The following EPB41L2 variants were observed in gnomAD, a reference collection of about 807,000 sequenced individuals.
EPB41L2 encodes the protein band 4.1-like protein 2.
Under a neutral mutation model 113.0 loss-of-function variants are expected in EPB41L2, and 43 were observed. The observed-to-expected ratio is 0.38, with a 90% confidence interval of 0.30 to 0.49. The LOEUF (loss-of-function observed/expected upper bound fraction) is 0.49, where lower values mean the gene tolerates loss of function less well. Ranked by LOEUF, EPB41L2 falls within the 20% of genes least tolerant of loss-of-function variation. The pLI is 0.95. For missense variants in EPB41L2, 1,147 were observed against 1,223.4 expected (o/e 0.94, Z 0.93); for synonymous variants, 442 against 436.7 (o/e 1.01, Z -0.15).
intron 4 of EPB41L2, among the ~76,000 whole-genome samples, chr6:130,915,797 G>A (rs190673930): frequency 6.5e-4 from 98 of 151,786 alleles, no homozygotes; most frequent in African/African-American, 2.2e-3. Context: ...TTTTAAAAAC[G>A]GGAGTTTCTC....
chr6:130,880,120 G>A, intron 13 of EPB41L2, 24 bp downstream of exon 13: 1 of 1,568,018 alleles, frequency 6.4e-7, no homozygotes, highest in South Asian at 1.1e-5. Context: ...TTAGGACAGA[G>A]TTGTTTTCTT....
In EPB41L2 at chr6:130,885,189, T is replaced by C. The variant is rs540092545; in HGVS notation, c.1740A>G (p.Gly580=). ...AAGEISAYGP[G]LVSIAVVQDG... ...CTTGTACCACGGCAATGCTGACAAG[T>C]CCAGGTCCATAGGCTGAAATCTCCC... Residue 580 remains glycine (G), a synonymous_variant, in exon 12 of 20, where the codon GGA becomes GGG. Transcript: ENST00000337057. 1.9e-6 allele frequency: 3 copies of C among 1,614,110 alleles called. No individual in the cohort carries two copies. The highest frequency in any genetic ancestry group is 1.3e-5 in the African/African-American group (1 of 75,032).
chr6:131,005,768 A>G (rs1377850835), intron 1 of EPB41L2, among the ~76,000 whole-genome samples: 2 of 152,200 alleles, frequency 1.3e-5, no homozygotes, highest in East Asian at 3.9e-4. Flanking sequence ...ACTGTGACCC[A>G]GAGGGAAATA....
chr6:130,869,454 T>C (rs1784924720), intron 15 of EPB41L2, 109 bp downstream of exon 15: 1 of 1,022,918 alleles, frequency 9.8e-7, no homozygotes, highest in East Asian at 2.6e-5. Flanking sequence ...AAAAATCAGA[T>C]TCTTGTTGAA....
rs774621932 is a variant in EPB41L2 at position 130,956,259 on chromosome 6, C to G, written c.227G>C (p.Arg76Pro). 12 of 1,614,104 alleles carry G rather than the reference C, an allele frequency of 7.4e-6. No individual in the cohort carries two copies. Among genetic ancestry groups the G allele is most frequent in the Non-Finnish European group, 1.0e-5 (12 of 1,180,034 alleles). Residue 76 changes from arginine to proline, a missense_variant, in exon 2 of 20, where the codon CGG (arginine) becomes CCG (proline). By Grantham distance (103) the Arg-to-Pro change is moderately radical. Coordinates refer to ENST00000337057, the MANE Select transcript of EPB41L2 (RefSeq NM_001431.4). ...KETSESRGIS[R>P]FIPPWLKKQK... ...CTTCTTAAGCCATGGCGGTATGAAC[C>G]GAGAAATACCCCTGCTCTCCGATGT...
intron 4 of EPB41L2, among the ~76,000 whole-genome samples, chr6:130,910,102 G>A (rs1798897342): frequency 6.6e-6 from 1 of 152,140 alleles, no homozygotes; most frequent in Non-Finnish European, 1.5e-5. Flanking sequence ...CAAAGCTGGA[G>A]GTATCACACT....
chr6:130,982,149 G>A (rs995701180), intron 1 of EPB41L2, among the ~76,000 whole-genome samples: 4 of 148,792 alleles, frequency 2.7e-5, no homozygotes, highest in Middle Eastern at 3.6e-3. Context: ...GAATAACTCC[G>A]AAACAAGAAA....
intron 1 of EPB41L2, among the ~76,000 whole-genome samples, chr6:130,960,202 C>G (rs1818878639): frequency 6.6e-6 from 1 of 152,186 alleles, no homozygotes; most frequent in Non-Finnish European, 1.5e-5. Flanking sequence ...AATCACAGCT[C>G]CATTATGCAC....
intron 1 of EPB41L2, among the ~76,000 whole-genome samples, chr6:130,985,932 G>A (rs1011906519): frequency 1.3e-5 from 2 of 152,004 alleles, no homozygotes; most frequent in African/African-American, 2.4e-5. Context: ...AACAATTTTA[G>A]ACCATATTTA....
At chr6:130,880,003 A>T in intron 13 of EPB41L2, 141 bp downstream of exon 13, 1 of 615,606 alleles carries the variant, frequency 1.6e-6, no homozygotes, top group South Asian at 2.1e-5. Context: ...CAGGCTGGTA[A>T]CATGCACTCC....
chr6:130,865,569 G>A lies in EPB41L2; in HGVS notation c.2796C>T (p.Ser932=), dbSNP rs186411905. The change falls in exon 17 of 20, where the codon TCC becomes TCT. Residue 932 remains serine (S), a synonymous_variant. Transcript: ENST00000337057. ...TGTGTGTGGTTGTCGTTGTTGACAC[G>A]GACTCAGATGTGATGGTTTGTGCGG... The part of the protein sequence containing the change: ...LLTAQTITSE[S]VSTTTTTHIT... The A allele has an allele frequency of 3.1e-6, 5 of 1,614,120 alleles. No individual in the cohort carries two copies. The highest frequency in any genetic ancestry group is 3.4e-6 in the Non-Finnish European group (4 of 1,180,018).
At chr6:130,900,814 T>C (rs756389785) in intron 7 of EPB41L2, 148 bp downstream of exon 7, 2 of 762,570 alleles carry the variant, frequency 2.6e-6, no homozygotes, top group Non-Finnish European at 4.3e-6. Context: ...CCTCAAGGGC[T>C]CCACGTTGCC....
chr6:130,980,552 A>G (rs954566924), intron 1 of EPB41L2, among the ~76,000 whole-genome samples: 3 of 150,364 alleles, frequency 2.0e-5, no homozygotes, highest in Non-Finnish European at 3.0e-5. Flanking sequence ...TAAGGAAGCT[A>G]GAAAGATTGG....
intron 1 of EPB41L2, among the ~76,000 whole-genome samples, chr6:130,995,546 A>C (rs1381388853): frequency 2.0e-5 from 3 of 152,212 alleles, no homozygotes; most frequent in Non-Finnish European, 4.4e-5. Flanking sequence ...CTGTGCTCTG[A>C]CCACCACGGG....
intron 1 of EPB41L2, among the ~76,000 whole-genome samples, chr6:131,052,178 C>T (rs1293911013): frequency 1.3e-5 from 2 of 152,126 alleles, no homozygotes; most frequent in South Asian, 2.1e-4. Flanking sequence ...CTCAGGCAAT[C>T]CAACTGCCTC....
intron 6 of EPB41L2, among the ~76,000 whole-genome samples, chr6:130,904,236 A>T (rs1308965265): frequency 6.6e-6 from 1 of 152,200 alleles, no homozygotes; most frequent in Non-Finnish European, 1.5e-5. Context: ...TATCATTTTT[A>T]AAATTTTCAT....
chr6:131,054,812 C>A (rs1163176668), intron 1 of EPB41L2, among the ~76,000 whole-genome samples: 1 of 152,210 alleles, frequency 6.6e-6, no homozygotes, highest in Non-Finnish European at 1.5e-5. Context: ...AAAGGCAGCC[C>A]CTGAGCTTCC....
At chr6:130,973,778 C>T (rs1777481896) in intron 1 of EPB41L2, among the ~76,000 whole-genome samples, 1 of 152,164 alleles carries the variant, frequency 6.6e-6, no homozygotes, top group Admixed American at 6.5e-5. Flanking sequence ...AATCAATGTT[C>T]ATCTTACATA....
At chr6:130,888,408 A>T (rs902926803) in intron 11 of EPB41L2, among the ~76,000 whole-genome samples, 5 of 152,194 alleles carry the variant, frequency 3.3e-5, no homozygotes, top group Non-Finnish European at 7.3e-5. Context: ...TGGAAAAATC[A>T]TTGTTTTCAG....
Sources: allele counts gnomAD v4.1 joint callset (sites outside exome capture counted in the v4.1 genomes callset), GRCh38; gene constraint gnomAD v4.1.1; transcripts MANE v1.5; gene names NCBI Gene and HGNC (gene_info 2026-07-23, HGNC 2026-07-21).